The following PCTP variants were observed in gnomAD, a reference collection of about 807,000 sequenced individuals.
PCTP encodes START domain-containing protein 2.
A neutral mutation model predicts 31.0 loss-of-function variants in PCTP; 27 were observed. The observed-to-expected ratio is 0.87, with a 90% CI of 0.64 to 1.20. PCTP has a LOEUF of 1.20. Among genes scored for constraint, PCTP ranks in the 50% most tolerant of loss-of-function variants. PCTP has a pLI of 0.00. For missense variants in PCTP, 287 were observed against 268.2 expected, an observed-to-expected ratio of 1.07 and a Z score of -0.49; for synonymous variants, 108 against 101.2, an observed-to-expected ratio of 1.07 and a Z score of -0.40.
rs1567734620 is a variant in PCTP at position 55,834,502 on chromosome 17, A to C, written n.506-8225A>C. On this transcript the variant is annotated intron_variant and non_coding_transcript_variant, in intron 5 of 5. Transcript: ENST00000576221. ...ATCTAGCCACCAGGAAAGAGCCCAC[A>C]TGTCTTTCCCAGTCTCAATTCCAAG... 2.0e-5 allele frequency among the ~76,000 whole-genome samples: 3 copies of C among 152,290 alleles called. No individual in the cohort carries two copies. In the South Asian group the frequency reaches 6.2e-4, roughly 32 times the overall value.
chr17:55,805,886 A>ATGTGTGTGTGTGTGTGTGTGTG (rs58345619), intron 3 of PCTP, among the ~76,000 whole-genome samples: 2,817 of 142,776 alleles, frequency 0.02, 26 homozygotes, highest in Non-Finnish European at 0.026. Context: ...CTCAATCTGT[A>ATGTGTGTGTGTGTGTGTGTGTG]TGTGTGTGTG....
intron 3 of PCTP, among the ~76,000 whole-genome samples, chr17:55,802,182 T>C (rs192368257): frequency 6.6e-5 from 10 of 152,268 alleles, no homozygotes; most frequent in Middle Eastern, 3.4e-3. Context: ...GTTAAATCCC[T>C]GAATAGACCA....
intron 3 of PCTP, chr17:55,787,770 A>G (rs1486881948): frequency 6.6e-6 from 1 of 152,216 alleles, no homozygotes; most frequent in Non-Finnish European, 1.5e-5. Context: ...TCAGATATTT[A>G]AAGATAATTA....
chr17:55,843,710 T>C (rs192936029), downstream of PCTP, among the ~76,000 whole-genome samples: 2 of 152,352 alleles, frequency 1.3e-5, no homozygotes, highest in East Asian at 3.9e-4. Flanking sequence ...GCTCTTTTTG[T>C]TTCTTATGCC....
downstream of PCTP, chr17:55,777,517 T>C (rs1301874801): frequency 4.4e-6 from 2 of 457,612 alleles, no homozygotes; most frequent in Non-Finnish European, 5.8e-6. Context: ...ATATGCATGA[T>C]CAGGTGTAGG....
chr17:55,761,099 G>C (rs958780313), intron 1 of PCTP, among the ~76,000 whole-genome samples: 2 of 152,168 alleles, frequency 1.3e-5, no homozygotes, highest in Non-Finnish European at 2.9e-5. Flanking sequence ...CTTTCTGTCT[G>C]TCCTGTTACT....
chr17:55,804,151 A>G (rs571201107), intron 3 of PCTP, among the ~76,000 whole-genome samples: 2 of 152,340 alleles, frequency 1.3e-5, no homozygotes, highest in Non-Finnish European at 2.9e-5. Context: ...CAAATCAGAA[A>G]CCACAATTAT....
intron 2 of PCTP, 135 bp downstream of exon 2, chr17:55,767,587 C>T (rs1306598916): frequency 1.4e-5 from 7 of 514,316 alleles, no homozygotes; most frequent in Non-Finnish European, 2.4e-5. Context: ...GCCTCAGCCT[C>T]CTGAGTAGCT....
the PCTP span, among the ~76,000 whole-genome samples, chr17:55,850,455 T>C: frequency 6.6e-6 from 1 of 152,250 alleles, no homozygotes; most frequent in Non-Finnish European, 1.5e-5. Flanking sequence ...GTATTTTTAG[T>C]TTATCAGTTA....
intron 3 of PCTP, among the ~76,000 whole-genome samples, chr17:55,817,257 G>A (rs1384275983): frequency 6.6e-6 from 1 of 152,134 alleles, no homozygotes; most frequent in East Asian, 1.9e-4. Flanking sequence ...GGGGTTGTTG[G>A]GTATTGTCAT....
downstream of PCTP, among the ~76,000 whole-genome samples, chr17:55,827,677 G>A (rs1406637085): frequency 6.6e-6 from 1 of 152,166 alleles, no homozygotes; most frequent in African/African-American, 2.4e-5. Context: ...GACATCACTG[G>A]GATCAGGGGT....
intron 3 of PCTP, among the ~76,000 whole-genome samples, chr17:55,820,927 A>T (rs1415666984): frequency 6.6e-6 from 1 of 152,238 alleles, no homozygotes; most frequent in Non-Finnish European, 1.5e-5. Flanking sequence ...ACACTGCTAA[A>T]AGGAATGTTA....
At chr17:55,767,089 A>G (rs945063944) in intron 1 of PCTP, among the ~76,000 whole-genome samples, 96 of 152,086 alleles carry the variant, frequency 6.3e-4, no homozygotes, top group Non-Finnish European at 7.4e-4. Flanking sequence ...CTTGTCCTTC[A>G]CCCACTTTTT....
intron 3 of PCTP, among the ~76,000 whole-genome samples, chr17:55,818,612 A>G (rs1913007257): frequency 6.6e-6 from 1 of 152,198 alleles, no homozygotes; most frequent in African/African-American, 2.4e-5. Flanking sequence ...TGGCATGAGA[A>G]AAAAGTGGTC....
intron 3 of PCTP, among the ~76,000 whole-genome samples, chr17:55,815,600 C>A (rs1008837294): frequency 3.9e-5 from 6 of 152,138 alleles, no homozygotes; most frequent in African/African-American, 1.4e-4. Flanking sequence ...GGATGGTGCT[C>A]TTCGGTAAAA....
chr17:55,823,439 G>C (rs957322181), downstream of PCTP, among the ~76,000 whole-genome samples: 2 of 152,228 alleles, frequency 1.3e-5, no homozygotes, highest in African/African-American at 4.8e-5. Flanking sequence ...TAGCGACTGG[G>C]AAGTGCTGAT....
intron 3 of PCTP, among the ~76,000 whole-genome samples, chr17:55,797,917 T>C (rs1338740433): frequency 6.6e-6 from 1 of 151,684 alleles, no homozygotes; most frequent in Non-Finnish European, 1.5e-5. Context: ...CAGACAAGAG[T>C]GCCAGACTGG....
chr17:55,775,202 G>A, intron 5 of PCTP: 1 of 1,264,816 alleles, frequency 7.9e-7, no homozygotes, highest in Middle Eastern at 3.0e-4. Flanking sequence ...GCTTACTGGG[G>A]AATAAGACAG....
intron 1 of PCTP, among the ~76,000 whole-genome samples, chr17:55,757,287 TGTGC>T (rs1329026917): frequency 1.3e-5 from 2 of 151,496 alleles, no homozygotes; most frequent in African/African-American, 4.8e-5. Flanking sequence ...CATGTGTGTG[TGTGC>T]ATATATATTC....
Sources: allele counts gnomAD v4.1 joint callset (sites outside exome capture counted in the v4.1 genomes callset), GRCh38; gene constraint gnomAD v4.1.1; transcripts MANE v1.5; gene names NCBI Gene and HGNC (gene_info 2026-07-23, HGNC 2026-07-21).